The following CAMSAP3 variants were observed in gnomAD, a reference collection of about 807,000 sequenced individuals.
The protein encoded by CAMSAP3 is calmodulin-regulated spectrin-associated protein 3.
In CAMSAP3, 34 loss-of-function variants were observed where a neutral mutation model predicts 112.5. The observed-to-expected ratio is 0.30, with a 90% CI of 0.23 to 0.40. CAMSAP3 has a LOEUF of 0.40. Ranked by LOEUF, CAMSAP3 falls within the 10% of genes least tolerant of loss-of-function variation. The pLI is 1.00. For missense variants in CAMSAP3, 1,602 were observed against 1,770.3 expected, an observed-to-expected ratio of 0.90 and a Z score of 1.71; for synonymous variants, 868 against 799.8, an observed-to-expected ratio of 1.09 and a Z score of -1.44.
rs538081273 is a variant in CAMSAP3 at position 7,602,491 on chromosome 19, G to A, written c.149-2735G>A. On this transcript the variant is annotated intron_variant, in intron 1 of 16. Transcript: ENST00000160298. Reference sequence around the variant, plus strand: ...CAAGACGTGCCCAAGGCCGGGGCTGGGGAGGTAGAGAGGAGGGTTTGGATT... The same window carrying A: ...CAAGACGTGCCCAAGGCCGGGGCTGAGGAGGTAGAGAGGAGGGTTTGGATT... Among the ~76,000 whole-genome samples the A allele has an allele frequency of 7.9e-5, 12 of 152,300 alleles. 1 individual carries two copies. The South Asian group carries it at 2.3e-3, about 29-fold the overall frequency.
At position 7,611,146 on chromosome 19, in the gene CAMSAP3, G is replaced by A. The variant is rs759326332; in HGVS notation, c.1101G>A (p.Gln367=). The change falls in exon 9 of 17, where the codon CAG becomes CAA. Residue 367 remains glutamine (Q), a synonymous_variant. Transcript: ENST00000160298. This position sits in a 1 kb window ranked among gnomAD's most constrained non-coding sequence, Gnocchi z 6.9. ...RHPLLSSGGP[Q]SPLRGSTGSL... ...CGCTTCTGTCATCTGGTGGCCCCCA[G>A]TCCCCACTCCGAGGATCCACAGGTG... 5.6e-6 allele frequency: 9 copies of A among 1,613,618 alleles called. No homozygotes were observed. The highest frequency in any genetic ancestry group is 1.7e-5 in the Admixed American group (1 of 60,016).
Position 7,612,973 on chromosome 19 carries a change from TCCTGGCGGAGGAGACGCC to T in CAMSAP3, c.2483_2500del (p.Leu828_Pro833del). ...CCCGTGCAGACGCGCTCTTCCATCCTCCTGGCGGAGGAGACGCCCCCCGAGGAGCCAGCCGCCCGGCCG... is the reference window on the plus strand; with the variant it reads ...CCCGTGCAGACGCGCTCTTCCATCCTCCCCGAGGAGCCAGCCGCCCGGCCG... On this transcript the variant is annotated inframe_deletion, in exon 11 of 17. Transcript: ENST00000160298. 6.3e-7 allele frequency: 1 copy of T among 1,598,088 alleles called. No homozygotes were observed. The highest frequency in any genetic ancestry group is 8.5e-7 in the Non-Finnish European group (1 of 1,174,884).
rs1183922795 is a variant in CAMSAP3 at position 7,613,019 on chromosome 19, C to A, written c.2526C>A (p.Gly842=). ...TPPEEPAARP[G]LIEIPLGSLA... ...CCGAGGAGCCAGCCGCCCGGCCGGG[C>A]CTCATCGAGATCCCGCTGGGCAGCC... is the stretch of plus-strand genomic sequence containing the variant. Residue 842 remains glycine (G), a synonymous_variant, in exon 11 of 17, where the codon GGC becomes GGA. Transcript: ENST00000160298. 6.4e-7 allele frequency: 1 copy of A among 1,559,610 alleles called. No homozygotes were observed. The highest frequency in any genetic ancestry group is 1.4e-5 in the African/African-American group (1 of 73,082).
chr19:7,609,104 G>C (rs1238662008), intron 5 of CAMSAP3, among the ~76,000 whole-genome samples: 1 of 151,556 alleles, frequency 6.6e-6, no homozygotes, highest in African/African-American at 2.4e-5. Context: ...GGTGGATCAC[G>C]AGGTCACGAG....
intron 4 of CAMSAP3, chr19:7,606,880 C>T: frequency 2.6e-6 from 4 of 1,553,882 alleles, no homozygotes; most frequent in Non-Finnish European, 3.6e-6. Flanking sequence ...ATGTCTGTTT[C>T]TGCCTGCCTG....
intron 14 of CAMSAP3, among the ~76,000 whole-genome samples, chr19:7,616,877 A>G (rs543641674): frequency 7.5e-4 from 110 of 146,924 alleles, no homozygotes; most frequent in South Asian, 2.4e-3. Context: ...GGGGCACTGC[A>G]TGGACTTGGG....
rs767503080 is a variant in CAMSAP3 at position 7,606,333 on chromosome 19, C to A, written c.465C>A (p.Thr155=). The change falls in exon 3 of 17, where the codon ACC becomes ACA. Residue 155 remains threonine (T), a synonymous_variant. Coordinates refer to ENST00000160298, the MANE Select transcript of CAMSAP3 (RefSeq NM_020902.2). The part of the protein sequence containing the change: ...MAAFAFEWTK[T]LPGPLALTSL... ...CCTTTGCCTTCGAGTGGACAAAGAC[C>A]CTGCCAGGTCCCTTGGCCCTGACCA... 1.9e-6 allele frequency: 3 copies of A among 1,613,914 alleles called. No individual in the cohort carries two copies. The highest frequency in any genetic ancestry group is 2.2e-5 in the South Asian group (2 of 91,084).
At chr19:7,603,296 C>T (rs1434611134) in intron 1 of CAMSAP3, among the ~76,000 whole-genome samples, 8 of 151,702 alleles carry the variant, frequency 5.3e-5, no homozygotes, top group Non-Finnish European at 1.5e-5. Flanking sequence ...CTGGCTGCAA[C>T]CTCTGCCTCC....
chr19:7,606,427 A>T, intron 3 of CAMSAP3, 34 bp downstream of exon 3: 1 of 1,611,790 alleles, frequency 6.2e-7, no homozygotes, highest in South Asian at 1.1e-5. Flanking sequence ...GGGTTCGGGG[A>T]CCAGCATCGT....
In CAMSAP3 at chr19:7,610,242, C is replaced by T. The variant is rs909840252; in HGVS notation, c.761-234C>T. Reference sequence around the variant, plus strand: ...CTGAGGTGGGAGAATCACTTGAACCCGGGAGGCAGAGGTTGCAGTGAGCTG... The same window carrying T: ...CTGAGGTGGGAGAATCACTTGAACCTGGGAGGCAGAGGTTGCAGTGAGCTG... On this transcript the variant is annotated intron_variant, in intron 5 of 16. Transcript: ENST00000160298. This position sits in a 1 kb window ranked among gnomAD's most constrained non-coding sequence, Gnocchi z 4.9. 6.6e-6 allele frequency among the ~76,000 whole-genome samples: 1 copy of T among 150,894 alleles called. No individual in the cohort carries two copies. The highest frequency in any genetic ancestry group is 2.4e-5 in the African/African-American group (1 of 40,960).
At position 7,607,848 on chromosome 19, in the gene CAMSAP3, T is replaced by A; in HGVS notation, c.622-278T>A. 1 of 1,362,348 alleles carries A rather than the reference T, an allele frequency of 7.3e-7. No individual in the cohort carries two copies. The highest frequency in any genetic ancestry group is 9.9e-7 in the Non-Finnish European group (1 of 1,012,738). 84.4% of individuals were successfully genotyped at this position (1,362,348 alleles called of 1,614,324 possible). ...CGCAATTGCCTTCTGTTTGAAGGAG[T>A]CGGGGAGCAAACCCCCCATGGTAAT... On this transcript the variant is annotated intron_variant, in intron 4 of 16. Transcript: ENST00000160298. This position sits in a 1 kb window ranked among gnomAD's most constrained non-coding sequence, Gnocchi z 4.9.
At position 7,617,849 on chromosome 19, in the gene CAMSAP3, A is replaced by G. The variant is rs758388008; in HGVS notation, c.3542A>G (p.Glu1181Gly). ...TACACGCTGTCGGGGGAGACAGAGG[A>G]GCTGTCGCGGCTGGCAGGGTATGGG... ...ALYTLSGETEELSRLAGYGPR... is the reference protein window; with the variant it reads ...ALYTLSGETEGLSRLAGYGPR... The change falls in exon 17 of 17, where the codon GAG (glutamate) becomes GGG (glycine). Residue 1181 changes from glutamate (E) to glycine (G), a missense_variant. This residue lies in a region of CAMSAP3 where 150 missense variants were observed against 207.6 expected (regional missense o/e 0.72). Coordinates refer to ENST00000160298, the MANE Select transcript of CAMSAP3 (RefSeq NM_020902.2). The surrounding 1 kb of genome is among the most constrained non-coding windows in gnomAD (Gnocchi z 7.5). The G allele has an allele frequency of 5.6e-6, 9 of 1,613,862 alleles. No individual in the cohort carries two copies. In the South Asian group the frequency reaches 9.9e-5, roughly 18 times the overall value.
chr19:7,598,644 C>T (rs777764032), intron 1 of CAMSAP3, among the ~76,000 whole-genome samples: 4 of 152,176 alleles, frequency 2.6e-5, no homozygotes, highest in South Asian at 2.1e-4. Flanking sequence ...AAAAATTAGC[C>T]GGGAATGATG....
chr19:7,616,736 C>T (rs903278916), intron 14 of CAMSAP3, 114 bp downstream of exon 14: 9 of 733,242 alleles, frequency 1.2e-5, no homozygotes, highest in Middle Eastern at 2.9e-4. Flanking sequence ...TTTATGGATA[C>T]GCCATGAAGA....
At position 7,608,000 on chromosome 19, in the gene CAMSAP3, T is replaced by G; in HGVS notation, c.622-126T>G. The G allele has an allele frequency of 4.1e-6, 5 of 1,208,866 alleles. No homozygotes were observed. The South Asian group carries it at 6.7e-5, about 16-fold the overall frequency. The allele number at this position is 1,208,866 out of a possible 1,614,324, so 74.9% of individuals were successfully genotyped here. On this transcript the variant is annotated intron_variant, in intron 4 of 16. Coordinates refer to ENST00000160298, the MANE Select transcript of CAMSAP3 (RefSeq NM_020902.2). This position sits in a 1 kb window ranked among gnomAD's most constrained non-coding sequence, Gnocchi z 4.9. The stretch of plus-strand genomic sequence containing the variant: ...CTGCTCCAGGCTGGCCCCCCAACTC[T>G]GTCTCTGGGACCCCCAGCTTCCCGC...
chr19:7,616,380 G>GC, intron 13 of CAMSAP3, 143 bp from the exon 14 acceptor site: 1 of 629,238 alleles, frequency 1.6e-6, no homozygotes. Context: ...TCATAGAGGG[G>GC]TCCCCCCATA....
At chr19:7,616,681 G>C in intron 14 of CAMSAP3, 59 bp downstream of exon 14, 1 of 1,242,712 alleles carries the variant, frequency 8.0e-7, no homozygotes. Context: ...GAGCCTGGGA[G>C]GTGTGTGGGC....
Position 7,615,167 on chromosome 19 carries a change from C to G in CAMSAP3, c.2671-16C>G. On this transcript the variant is annotated splice_polypyrimidine_tract_variant and intron_variant, in intron 11 of 16. Coordinates refer to ENST00000160298, the MANE Select transcript of CAMSAP3 (RefSeq NM_020902.2). This position sits in a 1 kb window ranked among gnomAD's most constrained non-coding sequence, Gnocchi z 6.5. The stretch of plus-strand genomic sequence containing the variant: ...GGGGGAGGGGGTGGCTGGCTGGACT[C>G]GGCGTCTGTCCCCAGGATGAAGACA... The G allele has an allele frequency of 6.4e-7, 1 of 1,553,588 alleles. No individual in the cohort carries two copies. The highest frequency in any genetic ancestry group is 8.7e-7 in the Non-Finnish European group (1 of 1,148,872).
At chr19:7,604,061 G>A (rs911687790) in intron 1 of CAMSAP3, among the ~76,000 whole-genome samples, 1 of 152,080 alleles carries the variant, frequency 6.6e-6, no homozygotes, top group Non-Finnish European at 1.5e-5. Context: ...TTCGAGCCCG[G>A]GAGGCAGAGG....
Sources: allele counts gnomAD v4.1 joint callset (sites outside exome capture counted in the v4.1 genomes callset), GRCh38; gene constraint gnomAD v4.1.1; regional missense constraint gnomAD v4.1.1; non-coding constraint Gnocchi (gnomAD v3.1); transcripts MANE v1.5; gene names NCBI Gene and HGNC (gene_info 2026-07-23, HGNC 2026-07-21).